Variants in DLG2 observed in about 807,000 individuals in gnomAD.
DLG2 encodes the protein disks large homolog 2.
In DLG2, 45 loss-of-function variants were observed where a neutral mutation model predicts 132.5. The ratio of observed to expected loss-of-function variants is 0.34; its 90% CI spans 0.27 to 0.44. The LOEUF is 0.44. DLG2 is among the 20% of genes least tolerant of loss of function. The pLI is 1.00. For synonymous variants in DLG2, 424 were observed against 419.6 expected, an observed-to-expected ratio of 1.01 and a Z score of -0.13; for missense variants, 1,045 against 1,196.9, an observed-to-expected ratio of 0.87 and a Z score of 1.87.
intron 6 of DLG2, among the ~76,000 whole-genome samples, chr11:84,693,492 C>T (rs917294746): frequency 2.6e-5 from 4 of 151,656 alleles, no homozygotes; most frequent in Admixed American, 6.6e-5. Flanking sequence ...TGTTATTTTC[C>T]ATATTTTTAA....
intron 11 of DLG2, among the ~76,000 whole-genome samples, chr11:84,006,803 T>TA (rs2094593618): frequency 6.6e-6 from 1 of 151,610 alleles, no homozygotes; most frequent in African/African-American, 2.4e-5. Context: ...AAACTCACTC[T>TA]AGGAGACTTT....
intron 9 of DLG2, among the ~76,000 whole-genome samples, chr11:84,133,831 A>G (rs1320871553): frequency 6.6e-6 from 1 of 152,046 alleles, no homozygotes; most frequent in Non-Finnish European, 1.5e-5. Context: ...TAACCAGACA[A>G]GGAACAATAT....
chr11:84,546,196 T>C (rs923228510), intron 6 of DLG2, among the ~76,000 whole-genome samples: 1 of 151,982 alleles, frequency 6.6e-6, no homozygotes, highest in African/African-American at 2.4e-5. Context: ...ATAGGGGTGG[T>C]TTCTAATGGT....
intron 6 of DLG2, among the ~76,000 whole-genome samples, chr11:84,962,055 T>G (rs916731403): frequency 6.6e-6 from 1 of 152,214 alleles, no homozygotes; most frequent in African/African-American, 2.4e-5. Flanking sequence ...GAATTTACAT[T>G]TCCCACTTAG....
At chr11:84,384,822 A>T (rs2098762697) in intron 7 of DLG2, among the ~76,000 whole-genome samples, 1 of 152,086 alleles carries the variant, frequency 6.6e-6, no homozygotes, top group Admixed American at 6.6e-5. Flanking sequence ...ATGACTCCAG[A>T]AGCCACAAGG....
chr11:85,418,575 C>G (rs2152991308), intron 3 of DLG2, among the ~76,000 whole-genome samples: 1 of 152,232 alleles, frequency 6.6e-6, no homozygotes, highest in East Asian at 1.9e-4. Context: ...GTGTGGGAGT[C>G]TATGTCTCTT....
rs544362220 is a variant in DLG2 at position 84,906,867 on chromosome 11, T to C, written c.357+204794A>G. ...AAAGCTAAAAAATTCATTCCCTTCT[T>C]CTTTAAACTGTTGTAGATGTTTAAT... is the stretch of plus-strand genomic sequence containing the variant. On this transcript the variant is annotated intron_variant, in intron 6 of 27. Transcript: ENST00000376104. Among the ~76,000 whole-genome samples the C allele has an allele frequency of 2.0e-5, 3 of 152,184 alleles. No homozygotes were observed. In the East Asian group the frequency reaches 5.8e-4, roughly 29 times the overall value.
chr11:85,015,718 T>G lies in DLG2; in HGVS notation c.357+95943A>C, dbSNP rs139887837. ...AGCTCATCATACCGTGCCTGTTACT[T>G]AGAAAGTATATACTCAGTAAACCGT... On this transcript the variant is annotated intron_variant, in intron 6 of 27. Transcript: ENST00000376104. Among the ~76,000 whole-genome samples, 802 of 152,278 alleles carry G rather than the reference T, an allele frequency of 5.3e-3. 3 individuals are homozygous for G. Among genetic ancestry groups the G allele is most frequent in the Non-Finnish European group, 6.3e-3 (431 of 68,008 alleles).
intron 15 of DLG2, among the ~76,000 whole-genome samples, chr11:83,924,578 C>T (rs987847005): frequency 1.3e-5 from 2 of 152,086 alleles, no homozygotes; most frequent in Non-Finnish European, 2.9e-5. Context: ...TACTGCCAAC[C>T]CTACCATTCA....
intron 8 of DLG2, among the ~76,000 whole-genome samples, chr11:84,189,997 A>C (rs1011639735): frequency 2.0e-5 from 3 of 152,064 alleles, no homozygotes; most frequent in Non-Finnish European, 4.4e-5. Flanking sequence ...AGGAGAAAAA[A>C]AAAAAAGCTT....
Position 84,768,076 on chromosome 11 carries a change from T to C in DLG2, c.358-233345A>G, listed in dbSNP as rs561404615. 2.0e-5 allele frequency among the ~76,000 whole-genome samples: 3 copies of C among 152,320 alleles called. No homozygotes were observed. In the South Asian group the frequency reaches 6.2e-4, roughly 32 times the overall value. On this transcript the variant is annotated intron_variant, in intron 6 of 27. Coordinates refer to ENST00000376104, the MANE Select transcript of DLG2 (RefSeq NM_001142699.3). ...TGTTATGCTGGGCAAATGACCCTTC[T>C]TTTAAATCCTACTTTATTTCATCTG...
intron 4 of DLG2, among the ~76,000 whole-genome samples, chr11:85,188,485 G>A (rs143283240): frequency 4.1e-4 from 62 of 152,222 alleles, no homozygotes; most frequent in South Asian, 2.5e-3. Context: ...ACATGAAAGC[G>A]TGATCCATGC....
chr11:85,392,907 T>C lies in DLG2; in HGVS notation c.41-107542A>G, dbSNP rs111270268. On this transcript the variant is annotated intron_variant, in intron 3 of 27. Coordinates refer to ENST00000376104, the MANE Select transcript of DLG2 (RefSeq NM_001142699.3). Reference sequence around the variant, plus strand: ...AACATCGGAAAAACCCTTCTAGACATTGACTTAGGCAAAGACTTGATAACC... The same window carrying C: ...AACATCGGAAAAACCCTTCTAGACACTGACTTAGGCAAAGACTTGATAACC... Among the ~76,000 whole-genome samples the C allele has an allele frequency of 3.1e-4, 47 of 152,234 alleles. No individual in the cohort carries two copies. In the East Asian group the frequency reaches 8.9e-3, roughly 29 times the overall value.
At chr11:85,530,323 A>T (rs1436594736) in intron 3 of DLG2, among the ~76,000 whole-genome samples, 9 of 134,534 alleles carry the variant, frequency 6.7e-5, no homozygotes, top group African/African-American at 1.6e-4. Context: ...TATTTATTTT[A>T]TTTATTTTTT....
intron 7 of DLG2, among the ~76,000 whole-genome samples, chr11:84,261,044 G>A (rs147481398): frequency 7.9e-5 from 12 of 152,244 alleles, no homozygotes; most frequent in African/African-American, 1.9e-4. Context: ...TCTGTTCCTC[G>A]TTGCTAAGCT....
chr11:84,665,938 T>G (rs536261013), intron 6 of DLG2, among the ~76,000 whole-genome samples: 3 of 152,180 alleles, frequency 2.0e-5, no homozygotes, highest in Non-Finnish European at 4.4e-5. Context: ...ATTTTGTAAC[T>G]GAGTTCACAT....
In DLG2 at chr11:83,518,623, G is replaced by C. The variant is rs191324930; in HGVS notation, c.2193+14085C>G. Among the ~76,000 whole-genome samples, 5 of 152,330 alleles carry C rather than the reference G, an allele frequency of 3.3e-5. 1 individual carries two copies. Among genetic ancestry groups the C allele is most frequent in the Admixed American group, 3.3e-4 (5 of 15,306 alleles). On this transcript the variant is annotated intron_variant, in intron 21 of 27. Coordinates refer to ENST00000376104, the MANE Select transcript of DLG2 (RefSeq NM_001142699.3). ...GTGATTTGTCTTCTGTGTTGCTCAT[G>C]CTGGGAGCTGTAGACTGGAGCTGTT...
chr11:83,475,126 G>T (rs1283564595), intron 22 of DLG2, among the ~76,000 whole-genome samples: 1 of 152,130 alleles, frequency 6.6e-6, no homozygotes, highest in Admixed American at 6.5e-5. Flanking sequence ...TGGCAATCAG[G>T]TACTGTGTAA....
chr11:83,511,188 C>T (rs777052936), intron 21 of DLG2, among the ~76,000 whole-genome samples: 5 of 151,836 alleles, frequency 3.3e-5, no homozygotes, highest in East Asian at 3.9e-4. Flanking sequence ...TAGTGATCAC[C>T]GGGTGAGTCT....
Sources: allele counts gnomAD v4.1 joint callset (sites outside exome capture counted in the v4.1 genomes callset), GRCh38; gene constraint gnomAD v4.1.1; transcripts MANE v1.5; gene names NCBI Gene and HGNC (gene_info 2026-07-23, HGNC 2026-07-21).